Variants in NEBL observed in about 807,000 individuals in gnomAD.
The protein encoded by NEBL is nebulette.
A neutral mutation model predicts 140.2 loss-of-function variants in NEBL; 122 were observed. The observed-to-expected ratio is 0.87, with a 90% confidence interval of 0.75 to 1.01. NEBL has a LOEUF of 1.01. Among genes scored for constraint, NEBL ranks in the 50% least tolerant of loss-of-function variants. The probability of loss-of-function intolerance (pLI) is 0.00; values close to 1 mark genes in which losing one functional copy is unlikely to be tolerated. For synonymous variants in NEBL, 436 were observed against 398.9 expected (o/e 1.09, Z -1.11); for missense variants, 1,365 against 1,231.3 (o/e 1.11, Z -1.62).
chr10:21,195,502 C>G (rs901839845), intron 3 of NEBL, among the ~76,000 whole-genome samples: 8 of 152,164 alleles, frequency 5.3e-5, no homozygotes, highest in African/African-American at 9.7e-5. Flanking sequence ...TGAATATATT[C>G]CATCCATGAA....
intron 20 of NEBL, chr10:20,819,041 T>C: frequency 9.7e-7 from 1 of 1,034,906 alleles, no homozygotes; most frequent in Non-Finnish European, 1.2e-6. Context: ...TTCATCCATA[T>C]AATTGCATGT....
Position 20,872,559 on chromosome 10 carries a change from C to T in NEBL, c.481-2718G>A, listed in dbSNP as rs147473966. 5.3e-4 allele frequency among the ~76,000 whole-genome samples: 80 copies of T among 152,300 alleles called. No homozygotes were observed. In the East Asian group the frequency reaches 0.013, roughly 25 times the overall value. ...AGAGGCATCTGAACCACAGCAACTCCATCTTGAGAAGGGAATGGGTAAAAT... is the reference window on the plus strand; with the variant it reads ...AGAGGCATCTGAACCACAGCAACTCTATCTTGAGAAGGGAATGGGTAAAAT... On this transcript the variant is annotated intron_variant, in intron 5 of 27. Coordinates refer to ENST00000377122, the MANE Select transcript of NEBL (RefSeq NM_006393.3).
intron 24 of NEBL, among the ~76,000 whole-genome samples, chr10:20,810,560 A>C (rs1185897162): frequency 6.6e-6 from 1 of 152,198 alleles, no homozygotes; most frequent in African/African-American, 2.4e-5. Flanking sequence ...TGAAAAGAGA[A>C]ATAATATCAG....
chr10:21,266,254 A>G (rs2132285161), intron 1 of NEBL, among the ~76,000 whole-genome samples: 1 of 151,898 alleles, frequency 6.6e-6, no homozygotes, highest in East Asian at 1.9e-4. Flanking sequence ...TGATTCTCCC[A>G]CCTTAGCCTC....
At chr10:21,258,980 AC>A (rs149077885) in intron 1 of NEBL, among the ~76,000 whole-genome samples, 137 of 152,030 alleles carry the variant, frequency 9.0e-4, no homozygotes, top group African/African-American at 3.2e-3. Flanking sequence ...TCCTATGATT[AC>A]CCCCATTTTA....
chr10:21,065,389 G>A (rs973588929), intron 2 of NEBL, among the ~76,000 whole-genome samples: 1 of 152,158 alleles, frequency 6.6e-6, no homozygotes, highest in African/African-American at 2.4e-5. Flanking sequence ...AAGTAAGTGT[G>A]AGGGAGGAAA....
chr10:21,192,443 T>TGGCCTC (rs1841588529), intron 3 of NEBL, among the ~76,000 whole-genome samples: 1 of 151,622 alleles, frequency 6.6e-6, no homozygotes, highest in Non-Finnish European at 1.5e-5. Context: ...CTGCCTGCCT[T>TGGCCTC]GGCCTCCCAA....
chr10:21,086,556 T>C (rs1836640768), intron 2 of NEBL, among the ~76,000 whole-genome samples: 1 of 152,124 alleles, frequency 6.6e-6, no homozygotes, highest in African/African-American at 2.4e-5. Flanking sequence ...GGCAGGAGGA[T>C]CACTTGAGCT....
intron 2 of NEBL, among the ~76,000 whole-genome samples, chr10:21,082,858 G>C (rs1253392134): frequency 6.8e-6 from 1 of 146,532 alleles, no homozygotes; most frequent in Non-Finnish European, 1.5e-5. Context: ...CAGCTCTCAG[G>C]TTCAAGCAAT....
chr10:20,966,713 C>T (rs1192001986), intron 3 of NEBL, among the ~76,000 whole-genome samples: 1 of 152,176 alleles, frequency 6.6e-6, no homozygotes, highest in East Asian at 1.9e-4. Flanking sequence ...AACAAAATAA[C>T]AGGCAGAGTG....
chr10:21,001,982 A>G (rs1240080543), intron 3 of NEBL, among the ~76,000 whole-genome samples: 6 of 152,166 alleles, frequency 3.9e-5, no homozygotes, highest in Admixed American at 3.9e-4. Context: ...ACATAAAGCC[A>G]ACCCTTTTTC....
chr10:20,912,873 T>C lies in NEBL; in HGVS notation c.357+48799A>G, dbSNP rs1473414854. Among the ~76,000 whole-genome samples, 9 of 148,988 alleles carry C rather than the reference T, an allele frequency of 6.0e-5. 2 individuals carry two copies. Among genetic ancestry groups the C allele is most frequent in the African/African-American group, 2.2e-4 (9 of 40,366 alleles). ...CTTGTTCCTCATGGGGGCCATAGTA[T>C]GCCAATTCTTTTTTTTTTTTTTTTT... On this transcript the variant is annotated intron_variant, in intron 4 of 6. Transcript: ENST00000417816.
At chr10:21,006,522 C>T (rs72790553) in intron 3 of NEBL, among the ~76,000 whole-genome samples, 12,010 of 152,280 alleles carry the variant, frequency 0.079, 534 homozygotes, top group Middle Eastern at 0.12. Flanking sequence ...TCCTTCTTCC[C>T]TGTTCCTTCC....
intron 3 of NEBL, among the ~76,000 whole-genome samples, chr10:21,004,768 T>G (rs1838056680): frequency 6.6e-6 from 1 of 151,858 alleles, no homozygotes; most frequent in South Asian, 2.1e-4. Context: ...TTTCTGGGCC[T>G]CCCTGTCAGT....
rs112701521 is a variant in NEBL, at chr10:20,785,662, A to C, written c.*85T>G. 3,340 of 1,459,672 alleles carry C rather than the reference A, an allele frequency of 2.3e-3. 86 individuals are homozygous for C. The African/African-American group carries it at 0.039, about 17-fold the overall frequency. The allele number at this position is 1,459,672 out of a possible 1,614,324, so 90.4% of individuals were successfully genotyped here. ...ATACATCATTGTAAAATAATGGCCA[A>C]GTTGTCTTAAAAGTATCTTCTATCT... On this transcript the variant is annotated 3_prime_UTR_variant, in exon 28 of 28. Coordinates refer to ENST00000377122, the MANE Select transcript of NEBL (RefSeq NM_006393.3).
intron 2 of NEBL, among the ~76,000 whole-genome samples, chr10:21,024,054 A>G (rs926401586): frequency 6.7e-6 from 1 of 149,662 alleles, no homozygotes; most frequent in Admixed American, 6.6e-5. Context: ...ATTTGGAAAA[A>G]GTGTTACTCT....
Position 21,238,613 on chromosome 10 carries a change from G to A in NEBL, n.348+9308C>T, listed in dbSNP as rs1170551247. 2.6e-5 allele frequency among the ~76,000 whole-genome samples: 4 copies of A among 151,420 alleles called. No individual in the cohort carries two copies. In the East Asian group the frequency reaches 7.8e-4, roughly 29 times the overall value. On this transcript the variant is annotated intron_variant and non_coding_transcript_variant, in intron 3 of 8. Coordinates refer to the NEBL transcript ENST00000675702. ...TAATCCCAGCTACTGGGGATGCTGAGGCAGGAGAATCACTTGAACCTGGGA... is the reference window on the plus strand; with the variant it reads ...TAATCCCAGCTACTGGGGATGCTGAAGCAGGAGAATCACTTGAACCTGGGA...
intron 1 of NEBL, among the ~76,000 whole-genome samples, chr10:21,290,939 T>C (rs1324123037): frequency 6.6e-6 from 1 of 152,148 alleles, no homozygotes; most frequent in African/African-American, 2.4e-5. Context: ...TTTTAATCTG[T>C]CTATTGTCAG....
intron 21 of NEBL, among the ~76,000 whole-genome samples, chr10:20,816,586 C>T (rs763112397): frequency 6.6e-6 from 1 of 152,156 alleles, no homozygotes; most frequent in Non-Finnish European, 1.5e-5. Context: ...CAATCACCTG[C>T]CTTTGCATTA....
Sources: gnomAD v4.1 joint callset for allele counts (sites outside exome capture counted in the v4.1 genomes callset) on GRCh38, gnomAD v4.1.1 for gene constraint, MANE v1.5 for transcripts, NCBI Gene and HGNC (gene_info 2026-07-23, HGNC 2026-07-21) for gene names.